NUDT14: variants seen among roughly 807,000 people sequenced by gnomAD.
NUDT14 encodes the protein uridine diphosphate glucose pyrophosphatase NUDT14.
Under a neutral mutation model 17.5 loss-of-function variants are expected in NUDT14, and 22 were observed. The ratio of observed to expected loss-of-function variants is 1.26; its 90% CI spans 0.90 to 1.80. NUDT14 has a LOEUF of 1.80. NUDT14 is among the 40% of genes most tolerant of loss of function. NUDT14 has a pLI of 0.00. For missense variants in NUDT14, 296 were observed against 295.6 expected, an observed-to-expected ratio of 1.00 and a Z score of -0.01; for synonymous variants, 129 against 125.8, an observed-to-expected ratio of 1.03 and a Z score of -0.17.
At chr14:105,178,709 A>T (rs1889268803) in intron 1 of NUDT14, among the ~76,000 whole-genome samples, 1 of 152,232 alleles carries the variant, frequency 6.6e-6, no homozygotes, top group African/African-American at 2.4e-5. Context: ...GAAATGGACA[A>T]GAGGTCTGAG....
rs1436985438 is a variant in NUDT14, at chr14:105,177,109, C to T, written c.126-82G>A. The T allele has an allele frequency of 4.5e-6, 6 of 1,345,628 alleles. No individual in the cohort carries two copies. In the Admixed American group the frequency reaches 5.7e-5, roughly 13 times the overall value. 83.4% of individuals were successfully genotyped at this position (1,345,628 alleles called of 1,614,324 possible). On this transcript the variant is annotated intron_variant, in intron 2 of 4. Transcript: ENST00000392568. Reference sequence around the variant, plus strand: ...CCACCTCCCATCTTTCTGTTCCCAGCGTGGCCATCCCACCTCCTTGCCAGC... The same window carrying T: ...CCACCTCCCATCTTTCTGTTCCCAGTGTGGCCATCCCACCTCCTTGCCAGC...
In NUDT14 at chr14:105,181,128, C is replaced by T. The variant is rs1465084774; in HGVS notation, c.81+1G>A. 2 of 1,087,126 alleles carry T rather than the reference C, an allele frequency of 1.8e-6. No individual in the cohort carries two copies. The highest frequency in any genetic ancestry group is 5.1e-5 in the Admixed American group (1 of 19,594). The allele number at this position is 1,087,126 out of a possible 1,614,324, so 67.3% of individuals were successfully genotyped here. A position where few individuals can be genotyped will look rare whatever the true frequency, so the allele number is the denominator to read the frequency against. On this transcript the variant is annotated splice_donor_variant, in intron 1 of 4. Coordinates refer to ENST00000392568, the MANE Select transcript of NUDT14 (RefSeq NM_177533.5). LOFTEE classifies it high-confidence loss of function. This position sits in a 1 kb window ranked among gnomAD's most constrained non-coding sequence, Gnocchi z 5.0. ...CGGGGGACGCGGGGGCGCGGGCTCA[C>T]CTGGCGGTAATGCAGCGTGAGCGGC...
rs1292894719 is a variant in NUDT14, at chr14:105,173,146, C to T, written c.544G>A (p.Val182Met). Residue 182 changes from valine (V) to methionine (M), a missense_variant, in exon 5 of 5, where the codon GTG (valine) becomes ATG (methionine). Transcript: ENST00000392568. This position sits in a 1 kb window ranked among gnomAD's most constrained non-coding sequence, Gnocchi z 4.7. Reference sequence around the variant, plus strand: ...TGGGCGCCTTCCAGGGGCAGGTGCACCACCTCAATGAGCTCACCCTCCTCC... The same window carrying T: ...TGGGCGCCTTCCAGGGGCAGGTGCATCACCTCAATGAGCTCACCCTCCTCC... The part of the protein sequence containing the change: ...LVEEGELIEV[V>M]HLPLEGAQAF... 6.2e-7 allele frequency: 1 copy of T among 1,610,306 alleles called. No individual in the cohort carries two copies. Among genetic ancestry groups the T allele is most frequent in the East Asian group, 2.2e-5 (1 of 44,784 alleles).
Position 105,175,664 on chromosome 14 carries a change from T to G in NUDT14, c.428+870A>C. ...ATCCGCCTGCCTCGGCCTCCCAAAGTGCTGGGATTACAGGCGTGAGCCACC... is the reference window on the plus strand; with the variant it reads ...ATCCGCCTGCCTCGGCCTCCCAAAGGGCTGGGATTACAGGCGTGAGCCACC... On this transcript the variant is annotated intron_variant, in intron 4 of 4. Coordinates refer to ENST00000392568, the MANE Select transcript of NUDT14 (RefSeq NM_177533.5). 4 of 965,816 alleles carry G rather than the reference T, an allele frequency of 4.1e-6. No homozygotes were observed. In the South Asian group the frequency reaches 1.4e-4, roughly 33 times the overall value. 59.8% of individuals were successfully genotyped at this position (965,816 alleles called of 1,614,324 possible).
intron 1 of NUDT14, among the ~76,000 whole-genome samples, 181 bp downstream of exon 1, chr14:105,180,948 G>A (rs955882266): frequency 1.3e-5 from 2 of 152,092 alleles, no homozygotes; most frequent in African/African-American, 4.8e-5. Flanking sequence ...CCCGGCCTGG[G>A]GGCTCACTGG....
rs933638512 is a variant in NUDT14 at position 105,173,577 on chromosome 14, C to T, written c.429-316G>A. On this transcript the variant is annotated intron_variant, in intron 4 of 4. Transcript: ENST00000392568. The surrounding 1 kb of genome is among the most constrained non-coding windows in gnomAD (Gnocchi z 4.7). The stretch of plus-strand genomic sequence containing the variant: ...ATCCTAGGCGGGCATGGCCCGATCA[C>T]GAAGCCCTCCAGAGGGTGTTTCAAC... 8.0e-5 allele frequency: 20 copies of T among 248,494 alleles called. No individual in the cohort carries two copies. The highest frequency in any genetic ancestry group is 1.6e-4 in the African/African-American group (7 of 44,842). The allele number at this position is 248,494 out of a possible 1,614,324, so 15.4% of individuals were successfully genotyped here.
In NUDT14 at chr14:105,173,201, G is replaced by A. The variant is rs1426318395; in HGVS notation, c.489C>T (p.Ala163=). The A allele has an allele frequency of 3.7e-6, 6 of 1,609,424 alleles. No homozygotes were observed. The highest frequency in any genetic ancestry group is 1.3e-5 in the African/African-American group (1 of 74,796). ...QTMFYTEVTD[A]QRSGPGGGLV... is the part of the protein sequence containing the mutation. ...GGCCCCCACCTGGACCGCTACGCTG[G>A]GCATCTGTCACCTCTGTGTAGAACA... The change falls in exon 5 of 5, where the codon GCC becomes GCT. Residue 163 remains alanine (A), a synonymous_variant. Transcript: ENST00000392568. The surrounding 1 kb of genome is among the most constrained non-coding windows in gnomAD (Gnocchi z 4.7).
rs746034515 is a variant in NUDT14, at chr14:105,173,138, C to T, written c.552G>A (p.Leu184=). The T allele has an allele frequency of 6.2e-7, 1 of 1,609,386 alleles. No individual in the cohort carries two copies. The highest frequency in any genetic ancestry group is 1.7e-5 in the Admixed American group (1 of 59,296). Residue 184 remains leucine, a synonymous_variant, in exon 5 of 5, where the codon CTG becomes CTA. Coordinates refer to ENST00000392568, the MANE Select transcript of NUDT14 (RefSeq NM_177533.5). This position sits in a 1 kb window ranked among gnomAD's most constrained non-coding sequence, Gnocchi z 4.7. ...EEGELIEVVH[L]PLEGAQAFAD... ...CAAAGGCCTGGGCGCCTTCCAGGGG[C>T]AGGTGCACCACCTCAATGAGCTCAC...
chr14:105,175,742 AGCCAGGAACGT>A (rs1221798292), intron 4 of NUDT14: 2 of 1,005,572 alleles, frequency 2.0e-6, no homozygotes, highest in African/African-American at 3.5e-5. Flanking sequence ...CCACCCATCC[AGCCAGGAACGT>A]GCCCAGGTGA....
intron 2 of NUDT14, 166 bp from the exon 3 acceptor site, chr14:105,177,193 G>A (rs1001104853): frequency 1.5e-6 from 1 of 673,842 alleles, no homozygotes; most frequent in Non-Finnish European, 2.7e-6. Context: ...GGCGGGACCA[G>A]AGCTTTCCAG....
At position 105,173,402 on chromosome 14, in the gene NUDT14, A is replaced by AC; in HGVS notation, c.429-142dup. 1.0e-6 allele frequency: 1 copy of AC among 980,996 alleles called. No homozygotes were observed. Among genetic ancestry groups the AC allele is most frequent in the Non-Finnish European group, 1.4e-6 (1 of 735,882 alleles). The allele number at this position is 980,996 out of a possible 1,614,324, so 60.8% of individuals were successfully genotyped here. ...GCAGGACTCTGGGATGCCCTCTCCCACCCGGATTCCCACCTGGTGTGCACG... is the reference window on the plus strand; with the variant it reads ...GCAGGACTCTGGGATGCCCTCTCCCACCCCGGATTCCCACCTGGTGTGCACG... On this transcript the variant is annotated intron_variant, in intron 4 of 4. Transcript: ENST00000392568. The surrounding 1 kb of genome is among the most constrained non-coding windows in gnomAD (Gnocchi z 4.7).
rs1020474342 is a variant in NUDT14 at position 105,176,545 on chromosome 14, G to C, written c.417C>G (p.Val139=). 2 of 1,612,202 alleles carry C rather than the reference G, an allele frequency of 1.2e-6. No individual in the cohort carries two copies. The highest frequency in any genetic ancestry group is 3.3e-5 in the Admixed American group (2 of 60,000). The part of the protein sequence containing the change: ...YHLAPSDLRR[V]ATYWSGVGLT... ...CTGGTCCCACTCACCAGTATGTGGCGACCCGGCGCAGATCAGAGGGGGCCA... is the reference window on the plus strand; with the variant it reads ...CTGGTCCCACTCACCAGTATGTGGCCACCCGGCGCAGATCAGAGGGGGCCA... The change falls in exon 4 of 5, where the codon GTC becomes GTG. Residue 139 remains valine (V), a synonymous_variant. Coordinates refer to ENST00000392568, the MANE Select transcript of NUDT14 (RefSeq NM_177533.5).
intron 2 of NUDT14, 83 bp from the exon 3 acceptor site, chr14:105,177,110 G>A (rs954383205): frequency 6.7e-6 from 9 of 1,344,212 alleles, no homozygotes; most frequent in African/African-American, 4.3e-5. Flanking sequence ...TGTTCCCAGC[G>A]TGGCCATCCC....
chr14:105,176,811 G>A (rs1297536737), intron 3 of NUDT14, 40 bp from the exon 4 acceptor site: 2 of 1,595,646 alleles, frequency 1.3e-6, no homozygotes, highest in Non-Finnish European at 1.7e-6. Context: ...CAGCCACGTG[G>A]TGGCCACCTC....
intron 1 of NUDT14, 157 bp from the exon 2 acceptor site, chr14:105,177,892 AG>A: frequency 1.6e-6 from 1 of 633,928 alleles, no homozygotes; most frequent in Non-Finnish European, 2.8e-6. Flanking sequence ...CCGTGGGCAG[AG>A]GAGCAAGCAG....
rs748377521 is a variant in NUDT14 at position 105,177,021 on chromosome 14, G to C, written c.132C>G (p.Thr44=). ...TCCGAGAAGAGTTGAATAAGAGAAC[G>C]GTCACGCTGTGTACGGGGGGAGGGG... ...WDFMKTHDSV[T]VLLFNSSRRS... The change falls in exon 3 of 5, where the codon ACC becomes ACG. Residue 44 remains threonine (T), a synonymous_variant. Coordinates refer to ENST00000392568, the MANE Select transcript of NUDT14 (RefSeq NM_177533.5). 2 of 1,611,504 alleles carry C rather than the reference G, an allele frequency of 1.2e-6. No homozygotes were observed. The highest frequency in any genetic ancestry group is 2.2e-5 in the East Asian group (1 of 44,874).
chr14:105,173,338 C>G lies in NUDT14; in HGVS notation c.429-77G>C. 7.2e-7 allele frequency: 1 copy of G among 1,389,956 alleles called. No individual in the cohort carries two copies. The highest frequency in any genetic ancestry group is 3.1e-5 in the East Asian group (1 of 31,918). 86.1% of individuals were successfully genotyped at this position (1,389,956 alleles called of 1,614,324 possible). A position where few individuals can be genotyped will look rare whatever the true frequency, so the allele number is the denominator to read the frequency against. ...CCCTGGCCCTTCTACCACCCTCCAA[C>G]CCACCCTCTCCACTCTGCTCCCTCC... On this transcript the variant is annotated intron_variant, in intron 4 of 4. Coordinates refer to ENST00000392568, the MANE Select transcript of NUDT14 (RefSeq NM_177533.5). The surrounding 1 kb of genome is among the most constrained non-coding windows in gnomAD (Gnocchi z 4.7).
rs367684392 is a variant in NUDT14 at position 105,173,136 on chromosome 14, G to A, written c.554C>T (p.Pro185Leu). 4.3e-5 allele frequency: 69 copies of A among 1,609,116 alleles called. No individual in the cohort carries two copies. The highest frequency in any genetic ancestry group is 1.7e-4 in the Middle Eastern group (1 of 6,034). The change falls in exon 5 of 5, where the codon CCC (proline) becomes CTC (leucine). Residue 185 changes from proline (P) to leucine (L), a missense_variant. By Grantham distance (98) the Pro-to-Leu change is moderately conservative (BLOSUM62 -3). Coordinates refer to ENST00000392568, the MANE Select transcript of NUDT14 (RefSeq NM_177533.5). This position sits in a 1 kb window ranked among gnomAD's most constrained non-coding sequence, Gnocchi z 4.7. ...EGELIEVVHL[P>L]LEGAQAFADD... ...TGCAAAGGCCTGGGCGCCTTCCAGG[G>A]GCAGGTGCACCACCTCAATGAGCTC...
intron 4 of NUDT14, among the ~76,000 whole-genome samples, chr14:105,174,068 G>A (rs759266514): frequency 1.2e-4 from 18 of 151,918 alleles, no homozygotes; most frequent in African/African-American, 1.9e-4. Context: ...CCCACCCCCC[G>A]TAGCATGGCA....
Sources: allele counts gnomAD v4.1 joint callset (sites outside exome capture counted in the v4.1 genomes callset), GRCh38; gene constraint gnomAD v4.1.1; non-coding constraint Gnocchi (gnomAD v3.1); transcripts MANE v1.5; gene names NCBI Gene and HGNC (gene_info 2026-07-23, HGNC 2026-07-21).